Variants in NKAIN2 observed in about 807,000 individuals in gnomAD.
NKAIN2 encodes sodium/potassium-transporting ATPase subunit beta-1-interacting protein 2.
In NKAIN2, 14 loss-of-function variants were observed where a neutral mutation model predicts 32.6. The observed-to-expected ratio is 0.43, with a 90% CI of 0.28 to 0.67. The LOEUF (loss-of-function observed/expected upper bound fraction) is 0.67. Ranked by LOEUF, NKAIN2 falls within the 30% of genes least tolerant of loss-of-function variation. NKAIN2 has a pLI of 0.17. For synonymous variants in NKAIN2, 80 were observed against 87.2 expected (o/e 0.92, Z 0.46); for missense variants, 198 against 258.3 (o/e 0.77, Z 1.60).
In NKAIN2 at chr6:124,670,921, G is replaced by A. The variant is rs978727228; in HGVS notation, c.474+12535G>A. Among the ~76,000 whole-genome samples, 17 of 152,140 alleles carry A rather than the reference G, an allele frequency of 1.1e-4. 1 individual carries two copies. The South Asian group carries it at 2.1e-3, about 19-fold the overall frequency. ...GTGCCTGTTATTTGGGCCTTTTCACGCTAGGTTTGGCAGGGGTCTTAGTCT... is the reference window on the plus strand; with the variant it reads ...GTGCCTGTTATTTGGGCCTTTTCACACTAGGTTTGGCAGGGGTCTTAGTCT... On this transcript the variant is annotated intron_variant, in intron 4 of 6. Coordinates refer to ENST00000368417, the MANE Select transcript of NKAIN2 (RefSeq NM_001040214.3).
At chr6:124,331,402 G>A (rs556647648) in intron 2 of NKAIN2, among the ~76,000 whole-genome samples, 2 of 140,534 alleles carry the variant, frequency 1.4e-5, no homozygotes, top group South Asian at 4.6e-4. Context: ...GGTGGCGGAT[G>A]CCTGTAGTCC....
intron 5 of NKAIN2, among the ~76,000 whole-genome samples, chr6:124,814,070 GA>G (rs1378884001): frequency 2.0e-5 from 3 of 152,140 alleles, no homozygotes; most frequent in African/African-American, 7.2e-5. Flanking sequence ...TTTTGAGAAG[GA>G]AAAAATACCT....
chr6:124,118,829 A>G (rs1034980357), intron 1 of NKAIN2, among the ~76,000 whole-genome samples: 50 of 152,140 alleles, frequency 3.3e-4, no homozygotes, highest in African/African-American at 1.2e-3. Context: ...TTTGGAGGTC[A>G]TATGTTCTCC....
intron 1 of NKAIN2, among the ~76,000 whole-genome samples, chr6:124,244,311 A>G (rs1793274280): frequency 3.6e-5 from 5 of 139,026 alleles, no homozygotes; most frequent in African/African-American, 1.1e-4. Flanking sequence ...TCATTTTTCA[A>G]TTCCCACCTA....
chr6:124,282,703 G>T (rs1361640972), intron 1 of NKAIN2, among the ~76,000 whole-genome samples: 1 of 152,154 alleles, frequency 6.6e-6, no homozygotes, highest in East Asian at 1.9e-4. Flanking sequence ...TCAAATGTTT[G>T]ACAGTGCACA....
At chr6:123,866,719 C>T (rs1024077498) in intron 1 of NKAIN2, among the ~76,000 whole-genome samples, 2 of 152,134 alleles carry the variant, frequency 1.3e-5, no homozygotes, top group Non-Finnish European at 2.9e-5. Flanking sequence ...CGTGAGCCAC[C>T]GCGCCCGGCC....
chr6:123,995,783 C>T (rs1045301008), intron 1 of NKAIN2, among the ~76,000 whole-genome samples: 1 of 152,118 alleles, frequency 6.6e-6, no homozygotes, highest in Non-Finnish European at 1.5e-5. Flanking sequence ...GTAATAGTTA[C>T]TAAATATTTC....
intron 3 of NKAIN2, among the ~76,000 whole-genome samples, chr6:124,421,092 A>G (rs937800294): frequency 1.3e-5 from 2 of 149,450 alleles, no homozygotes; most frequent in African/African-American, 5.1e-5. Flanking sequence ...AAAAAAAAAA[A>G]AACATGTTTT....
intron 3 of NKAIN2, among the ~76,000 whole-genome samples, chr6:124,514,880 C>A (rs1241479091): frequency 6.6e-6 from 1 of 151,996 alleles, no homozygotes; most frequent in African/African-American, 2.4e-5. Flanking sequence ...GAGACTACTG[C>A]ATCAGAAAGT....
intron 4 of NKAIN2, among the ~76,000 whole-genome samples, chr6:124,690,012 G>C (rs1416278704): frequency 6.6e-6 from 1 of 152,034 alleles, no homozygotes; most frequent in Admixed American, 6.6e-5. Context: ...ATTTCTATTT[G>C]AATTGCATTG....
At chr6:124,796,750 A>G (rs1238922444) in intron 5 of NKAIN2, among the ~76,000 whole-genome samples, 1 of 152,148 alleles carries the variant, frequency 6.6e-6, no homozygotes, top group Non-Finnish European at 1.5e-5. Flanking sequence ...CACCTTAACA[A>G]CATACTTTCA....
At chr6:124,512,211 T>C (rs1255202719) in intron 3 of NKAIN2, among the ~76,000 whole-genome samples, 1 of 152,146 alleles carries the variant, frequency 6.6e-6, no homozygotes, top group Admixed American at 6.5e-5. Flanking sequence ...CAAATCATGG[T>C]ACATGTTGCA....
intron 1 of NKAIN2, among the ~76,000 whole-genome samples, chr6:124,109,796 G>A (rs751691670): frequency 3.5e-4 from 53 of 151,972 alleles, no homozygotes; most frequent in Middle Eastern, 3.4e-3. Flanking sequence ...ATTTTCGAGG[G>A]TTTTTATCAT....
In NKAIN2 at chr6:124,760,613, A is replaced by G. The variant is rs574341279; in HGVS notation, c.475-30726A>G. ...CAATACCAGATTTTTTTTGCTGTTT[A>G]GGAGTTTGGTATTAATAAGTGTCTC... On this transcript the variant is annotated intron_variant, in intron 4 of 6. Transcript: ENST00000368417. Among the ~76,000 whole-genome samples the G allele has an allele frequency of 5.9e-5, 9 of 152,074 alleles. No individual in the cohort carries two copies. In the South Asian group the frequency reaches 1.9e-3, roughly 32 times the overall value.
chr6:124,298,757 G>A (rs1796168794), intron 2 of NKAIN2, among the ~76,000 whole-genome samples: 1 of 147,790 alleles, frequency 6.8e-6, no homozygotes, highest in African/African-American at 2.5e-5. Flanking sequence ...AAGGAGAGAA[G>A]ACCCCCCGTG....
At chr6:124,793,990 A>T (rs893145361) in intron 5 of NKAIN2, among the ~76,000 whole-genome samples, 1 of 152,176 alleles carries the variant, frequency 6.6e-6, no homozygotes, top group African/African-American at 2.4e-5. Context: ...TTCAAATCCT[A>T]CAAGAAGAAA....
chr6:124,468,887 G>T (rs574470359), intron 3 of NKAIN2, among the ~76,000 whole-genome samples: 6 of 152,254 alleles, frequency 3.9e-5, no homozygotes, highest in African/African-American at 1.4e-4. Flanking sequence ...GGTAGTTTAA[G>T]TAAAGTTCCT....
chr6:123,824,693 C>T (rs1774071394), intron 1 of NKAIN2, among the ~76,000 whole-genome samples: 1 of 150,994 alleles, frequency 6.6e-6, no homozygotes, highest in African/African-American at 2.4e-5. Context: ...ATGTAACAAA[C>T]CTACATGTTC....
intron 1 of NKAIN2, among the ~76,000 whole-genome samples, chr6:123,979,336 A>C (rs980429852): frequency 1.3e-5 from 2 of 152,162 alleles, no homozygotes; most frequent in African/African-American, 4.8e-5. Context: ...TCCTTCTCAT[A>C]GGGCAGTGGG....
Sources: gnomAD v4.1 joint callset for allele counts (sites outside exome capture counted in the v4.1 genomes callset) on GRCh38, gnomAD v4.1.1 for gene constraint, MANE v1.5 for transcripts, NCBI Gene and HGNC (gene_info 2026-07-23, HGNC 2026-07-21) for gene names.